Variants in XIRP2 observed in about 807,000 individuals in gnomAD.
XIRP2 encodes the protein xin actin-binding repeat-containing protein 2.
Under a neutral mutation model 277.0 loss-of-function variants are expected in XIRP2, and 236 were observed. That is an observed-to-expected ratio of 0.85 (90% CI 0.77 to 0.95). XIRP2 has a LOEUF of 0.95. Among genes scored for constraint, XIRP2 ranks in the 40% least tolerant of loss-of-function variants. The pLI, the probability that XIRP2 is intolerant of heterozygous loss-of-function variation, is 0.00. For missense variants in XIRP2, 4,640 were observed against 4,157.5 expected (o/e 1.12, Z -3.19); for synonymous variants, 1,490 against 1,416.5 (o/e 1.05, Z -1.17).
chr2:167,001,720 T>C (rs954494778), intron 2 of XIRP2, among the ~76,000 whole-genome samples: 1 of 152,190 alleles, frequency 6.6e-6, no homozygotes, highest in African/African-American at 2.4e-5. Context: ...ACATATCTTT[T>C]GATTTTTCAG....
intron 2 of XIRP2, among the ~76,000 whole-genome samples, chr2:166,967,952 A>G (rs1023947183): frequency 6.6e-6 from 1 of 152,000 alleles, no homozygotes; most frequent in African/African-American, 2.4e-5. Context: ...TAAAACTTCT[A>G]TATAAACAAG....
At chr2:167,021,327 T>C (rs1687974927) in intron 2 of XIRP2, among the ~76,000 whole-genome samples, 2 of 152,104 alleles carry the variant, frequency 1.3e-5, no homozygotes, top group African/African-American at 4.8e-5. Flanking sequence ...CAAACAAATA[T>C]AATTTGGCAG....
intron 2 of XIRP2, among the ~76,000 whole-genome samples, chr2:166,966,634 T>A (rs1261070825): frequency 6.6e-6 from 1 of 151,960 alleles, no homozygotes; most frequent in Non-Finnish European, 1.5e-5. Context: ...TCCACTCTAC[T>A]TTTAGCCAAT....
rs1285875568 is a variant in XIRP2 at position 167,201,184 on chromosome 2, GAGAGAGAAAGAA to G, written c.563-9547_563-9536del. 1.5e-4 allele frequency among the ~76,000 whole-genome samples: 19 copies of G among 124,528 alleles called. 1 individual carries two copies. Among genetic ancestry groups the G allele is most frequent in the Middle Eastern group, 3.7e-3 (1 of 268 alleles). 81.7% of individuals were successfully genotyped at this position (124,528 alleles called of 152,430 possible). On this transcript the variant is annotated intron_variant, in intron 3 of 10. Coordinates refer to ENST00000409195, the MANE Select transcript of XIRP2 (RefSeq NM_152381.6). ...AGAGAGAGAGAGAGAAAGAAAGAGAGAGAGAGAAAGAAAGAAAGAAAGAAAGAAAGAAAGAAA... is the reference window on the plus strand; with the variant it reads ...AGAGAGAGAGAGAGAAAGAAAGAGAGAGAAAGAAAGAAAGAAAGAAAGAAA...
intron 2 of XIRP2, among the ~76,000 whole-genome samples, chr2:167,097,232 A>T (rs990725909): frequency 6.6e-6 from 1 of 152,122 alleles, no homozygotes; most frequent in Non-Finnish European, 1.5e-5. Flanking sequence ...GTGCTCCTGT[A>T]TTAGGTGCAT....
chr2:166,917,024 T>C (rs1684903101), intron 2 of XIRP2, among the ~76,000 whole-genome samples: 1 of 152,192 alleles, frequency 6.6e-6, no homozygotes, highest in Non-Finnish European at 1.5e-5. Context: ...GTTCCTCTGT[T>C]ATCTCTGTAA....
intron 9 of XIRP2, 22 bp from the exon 10 acceptor site, chr2:167,254,010 C>T: frequency 6.4e-7 from 1 of 1,568,802 alleles, no homozygotes; most frequent in Non-Finnish European, 8.6e-7. Flanking sequence ...CTACAGAAGG[C>T]TTTGTAAATT....
rs546601384 is a variant in XIRP2, at chr2:166,969,574, C to T, written c.408+65684C>T. Among the ~76,000 whole-genome samples the T allele has an allele frequency of 4.0e-5, 6 of 151,610 alleles. No homozygotes were observed. The East Asian group carries it at 1.2e-3, about 30-fold the overall frequency. ...AAAAAACTCCCTTTCAATCATTGTT[C>T]CTTTAAAAGTGGTTAGAATTTTAAG... On this transcript the variant is annotated intron_variant, in intron 2 of 10. Transcript: ENST00000409195.
chr2:167,219,051 A>T (rs1694344643), intron 5 of XIRP2, among the ~76,000 whole-genome samples: 1 of 150,984 alleles, frequency 6.6e-6, no homozygotes, highest in South Asian at 2.1e-4. Context: ...AAGTGGATGT[A>T]TTTTTTTTTA....
At chr2:166,980,619 T>C (rs1651023186) in intron 2 of XIRP2, among the ~76,000 whole-genome samples, 1 of 152,120 alleles carries the variant, frequency 6.6e-6, no homozygotes, top group South Asian at 2.1e-4. Flanking sequence ...GGTTTCACCA[T>C]GTTGGCCAGG....
At position 166,903,145 on chromosome 2, in the gene XIRP2, A is replaced by G. The variant is rs185103152; in HGVS notation, c.-18-320A>G. ...AATGAAGTAACACTGTTCAAATTTT[A>G]TATTTTAAATAACTGTTGGCTGATT... On this transcript the variant is annotated intron_variant, in intron 1 of 10. Coordinates refer to ENST00000409195, the MANE Select transcript of XIRP2 (RefSeq NM_152381.6). Among the ~76,000 whole-genome samples the G allele has an allele frequency of 5.9e-4, 90 of 152,246 alleles. 1 individual carries two copies. The highest frequency in any genetic ancestry group is 2.1e-3 in the African/African-American group (89 of 41,570).
At chr2:167,187,620 G>A (rs1693196397) in intron 3 of XIRP2, 4 of 861,930 alleles carry the variant, frequency 4.6e-6, no homozygotes, top group Non-Finnish European at 5.6e-6. Flanking sequence ...AAGACCATAG[G>A]TCAAATTGTA....
At chr2:166,974,492 C>G (rs1169230103) in intron 2 of XIRP2, among the ~76,000 whole-genome samples, 1 of 151,816 alleles carries the variant, frequency 6.6e-6, no homozygotes, top group Admixed American at 6.6e-5. Context: ...TCTATCTATA[C>G]ACATACACAT....
chr2:167,226,506 C>T (rs1694606872), intron 5 of XIRP2, among the ~76,000 whole-genome samples: 1 of 152,154 alleles, frequency 6.6e-6, no homozygotes, highest in Admixed American at 6.6e-5. Context: ...CTGCCTAGAC[C>T]AACTGTGTGG....
At chr2:167,176,570 C>A (rs1375957158) in intron 3 of XIRP2, among the ~76,000 whole-genome samples, 3 of 152,124 alleles carry the variant, frequency 2.0e-5, no homozygotes, top group African/African-American at 4.8e-5. Flanking sequence ...GTTCTTGCTT[C>A]CTTTGGGGCT....
intron 2 of XIRP2, among the ~76,000 whole-genome samples, chr2:167,114,341 G>A (rs1398387019): frequency 6.6e-6 from 1 of 151,814 alleles, no homozygotes; most frequent in East Asian, 1.9e-4. Flanking sequence ...ATTTATTTTT[G>A]TCTGACTTGA....
intron 3 of XIRP2, among the ~76,000 whole-genome samples, chr2:167,201,266 G>GGAAGGA (rs1204010159): frequency 7.1e-5 from 7 of 98,252 alleles, no homozygotes; most frequent in African/African-American, 3.9e-4. Flanking sequence ...AAGAAAGAGA[G>GGAAGGA]AGGGAGAAAG....
intron 2 of XIRP2, among the ~76,000 whole-genome samples, chr2:167,113,051 T>C (rs957780118): frequency 2.0e-5 from 3 of 152,094 alleles, no homozygotes; most frequent in Non-Finnish European, 4.4e-5. Flanking sequence ...TATGTCCAAT[T>C]GTGTGGTTGA....
In XIRP2 at chr2:167,219,654, A is replaced by G. The variant is rs552292058; in HGVS notation, c.858+1354A>G. On this transcript the variant is annotated intron_variant, in intron 5 of 10. Coordinates refer to ENST00000409195, the MANE Select transcript of XIRP2 (RefSeq NM_152381.6). ...TTTAACACTCTTCTGTCTCCATTTTAAAATTCTCAACAACTTTTGAACAAG... is the reference window on the plus strand; with the variant it reads ...TTTAACACTCTTCTGTCTCCATTTTGAAATTCTCAACAACTTTTGAACAAG... 2.0e-5 allele frequency among the ~76,000 whole-genome samples: 3 copies of G among 152,298 alleles called. No individual in the cohort carries two copies. In the South Asian group the frequency reaches 6.2e-4, roughly 32 times the overall value.
Sources: gnomAD v4.1 joint callset for allele counts (sites outside exome capture counted in the v4.1 genomes callset) on GRCh38, gnomAD v4.1.1 for gene constraint, MANE v1.5 for transcripts, NCBI Gene and HGNC (gene_info 2026-07-23, HGNC 2026-07-21) for gene names.